ITPR2: variants seen among roughly 807,000 people sequenced by gnomAD.
ITPR2 encodes inositol 1,4,5-trisphosphate-gated calcium channel ITPR2.
A neutral mutation model predicts 317.1 loss-of-function variants in ITPR2; 207 were observed. The ratio of observed to expected loss-of-function variants is 0.65; its 90% CI spans 0.58 to 0.73. The LOEUF (loss-of-function observed/expected upper bound fraction) is 0.73, where lower values mean the gene tolerates loss of function less well. Among genes scored for constraint, ITPR2 ranks in the 30% least tolerant of loss-of-function variants. The pLI is 0.00. For synonymous variants in ITPR2, 1,156 were observed against 1,149.1 expected, an observed-to-expected ratio of 1.01 and a Z score of -0.12; for missense variants, 2,613 against 3,284.0, an observed-to-expected ratio of 0.80 and a Z score of 4.99.
intron 1 of ITPR2, among the ~76,000 whole-genome samples, chr12:26,790,586 TACACACACAC>T (rs10527860): frequency 2.0e-5 from 3 of 147,820 alleles, no homozygotes; most frequent in South Asian, 2.2e-4. Context: ...CATATATGCT[TACACACACAC>T]ACACACACAC....
chr12:26,366,754 T>C (rs1401213432), intron 55 of ITPR2, among the ~76,000 whole-genome samples: 2 of 152,220 alleles, frequency 1.3e-5, no homozygotes, highest in Non-Finnish European at 2.9e-5. Flanking sequence ...GATGCCTATT[T>C]GGTAGTTCCA....
intron 36 of ITPR2, among the ~76,000 whole-genome samples, chr12:26,552,812 G>A (rs61920317): frequency 0.15 from 22,210 of 151,964 alleles, 2,302 homozygotes; most frequent in Non-Finnish European, 0.23. Flanking sequence ...AATTTCTTTT[G>A]ATTTTGTTTT....
At position 26,336,239 on chromosome 12, in the gene ITPR2, T is replaced by G. The variant is rs1048055739; in HGVS notation, c.*3158A>C. On this transcript the variant is annotated 3_prime_UTR_variant, in exon 57 of 57. Coordinates refer to ENST00000381340, the MANE Select transcript of ITPR2 (RefSeq NM_002223.4). ...CCCCAGCCTCCCCACTCATTCTCAGTCCTGGGGACTGGGGGCTAGTGGCTG... is the reference window on the plus strand; with the variant it reads ...CCCCAGCCTCCCCACTCATTCTCAGGCCTGGGGACTGGGGGCTAGTGGCTG... Among the ~76,000 whole-genome samples, 8 of 152,158 alleles carry G rather than the reference T, an allele frequency of 5.3e-5. No individual in the cohort carries two copies. The highest frequency in any genetic ancestry group is 1.7e-4 in the African/African-American group (7 of 41,444).
intron 47 of ITPR2, among the ~76,000 whole-genome samples, chr12:26,437,418 A>G (rs1941382542): frequency 6.6e-6 from 1 of 152,228 alleles, no homozygotes; most frequent in African/African-American, 2.4e-5. Flanking sequence ...CAATGCCGAA[A>G]TATGCTATGA....
intron 37 of ITPR2, among the ~76,000 whole-genome samples, chr12:26,496,165 A>G (rs997085298): frequency 1.3e-5 from 2 of 152,252 alleles, no homozygotes; most frequent in Non-Finnish European, 1.5e-5. Flanking sequence ...TTAAATTAAC[A>G]TAACTACAGA....
At chr12:26,571,969 T>C (rs550868348) in intron 34 of ITPR2, among the ~76,000 whole-genome samples, 2 of 152,228 alleles carry the variant, frequency 1.3e-5, no homozygotes, top group Non-Finnish European at 2.9e-5. Flanking sequence ...TATATAAATA[T>C]GACTATAATT....
chr12:26,820,512 A>G (rs7979263), intron 1 of ITPR2, among the ~76,000 whole-genome samples: 11,335 of 152,288 alleles, frequency 0.074, 592 homozygotes, highest in Admixed American at 0.11. Flanking sequence ...ATTGTATGTA[A>G]TAAGATTATA....
At chr12:26,647,352 G>T (rs939762617) in intron 21 of ITPR2, among the ~76,000 whole-genome samples, 1 of 152,196 alleles carries the variant, frequency 6.6e-6, no homozygotes, top group Non-Finnish European at 1.5e-5. Flanking sequence ...GTGTAAGTGG[G>T]ATTCACATTT....
chr12:26,629,979 T>C (rs1484969943), intron 22 of ITPR2, among the ~76,000 whole-genome samples: 2 of 152,104 alleles, frequency 1.3e-5, no homozygotes, highest in East Asian at 3.9e-4. Flanking sequence ...CTTAAGAACG[T>C]GTGGTGAGGG....
At chr12:26,811,808 C>G (rs1373774691) in intron 1 of ITPR2, among the ~76,000 whole-genome samples, 4 of 141,476 alleles carry the variant, frequency 2.8e-5, no homozygotes, top group African/African-American at 1.1e-4. Context: ...GAGCCGAGAT[C>G]GCACCACTGC....
At chr12:26,436,079 G>T in intron 48 of ITPR2, 142 bp downstream of exon 48, 1 of 731,230 alleles carries the variant, frequency 1.4e-6, no homozygotes, top group Non-Finnish European at 2.0e-6. Flanking sequence ...TTTTCTGCCT[G>T]TTCTATTTAC....
intron 10 of ITPR2, among the ~76,000 whole-genome samples, chr12:26,689,362 G>T (rs928128577): frequency 6.6e-6 from 1 of 152,038 alleles, no homozygotes; most frequent in African/African-American, 2.4e-5. Context: ...GCCACAGTGA[G>T]CCAAGATTGC....
chr12:26,633,369 TTAAGTG>T (rs1231996383), intron 21 of ITPR2, among the ~76,000 whole-genome samples: 1 of 152,194 alleles, frequency 6.6e-6, no homozygotes, highest in Non-Finnish European at 1.5e-5. Flanking sequence ...TGGAATCAAT[TTAAGTG>T]TAAGAGGGTA....
intron 52 of ITPR2, among the ~76,000 whole-genome samples, chr12:26,403,891 G>A (rs1940260271): frequency 6.6e-6 from 1 of 152,188 alleles, no homozygotes; most frequent in South Asian, 2.1e-4. Context: ...TGAGAGGAGT[G>A]GAAGACGAAG....
At chr12:26,569,337 T>G (rs569809832) in intron 34 of ITPR2, among the ~76,000 whole-genome samples, 10 of 152,178 alleles carry the variant, frequency 6.6e-5, no homozygotes, top group Non-Finnish European at 1.5e-4. Flanking sequence ...GTGGATTGAT[T>G]GAGCCCAGAA....
intron 2 of ITPR2, among the ~76,000 whole-genome samples, chr12:26,774,105 A>C (rs990171528): frequency 6.7e-6 from 1 of 148,892 alleles, no homozygotes; most frequent in Admixed American, 6.9e-5. Context: ...AAACATCTTC[A>C]CTTAATACAT....
chr12:26,775,687 C>T (rs988559108), intron 2 of ITPR2, among the ~76,000 whole-genome samples: 3 of 152,000 alleles, frequency 2.0e-5, no homozygotes, highest in Admixed American at 1.3e-4. Context: ...TGGGCAGGCA[C>T]CATCTACTCA....
chr12:26,476,625 C>T (rs1942422940), intron 44 of ITPR2, among the ~76,000 whole-genome samples: 1 of 152,076 alleles, frequency 6.6e-6, no homozygotes, highest in Non-Finnish European at 1.5e-5. Context: ...TAAACCAAAG[C>T]CAACTTTTTT....
At chr12:26,497,422 G>A (rs1942963491) in intron 37 of ITPR2, among the ~76,000 whole-genome samples, 1 of 43,882 alleles carries the variant, frequency 2.3e-5, no homozygotes, top group African/African-American at 6.6e-5. Context: ...CCAAAGTGCT[G>A]GGATTACAGG....
Sources: gnomAD v4.1 joint callset for allele counts (sites outside exome capture counted in the v4.1 genomes callset) on GRCh38, gnomAD v4.1.1 for gene constraint, MANE v1.5 for transcripts, NCBI Gene and HGNC (gene_info 2026-07-23, HGNC 2026-07-21) for gene names.